The following ZNF681 variants were observed in gnomAD, a reference collection of about 807,000 sequenced individuals.
The protein encoded by ZNF681 is hypothetical protein FLJ31526.
Under a neutral mutation model 56.0 loss-of-function variants are expected in ZNF681, and 37 were observed. The observed-to-expected ratio is 0.66, with a 90% CI of 0.51 to 0.87. The LOEUF is 0.87. Ranked by LOEUF, ZNF681 falls within the 40% of genes least tolerant of loss-of-function variation. The pLI, the probability that ZNF681 is intolerant of heterozygous loss-of-function variation, is 0.00. For missense variants in ZNF681, 741 were observed against 744.9 expected (o/e 0.99, Z 0.06); for synonymous variants, 225 against 248.6 (o/e 0.91, Z 0.89).
rs780741748 is a variant in ZNF681, at chr19:23,743,669, A to C, written c.1881T>G (p.Phe627Leu). 5 of 1,571,378 alleles carry C rather than the reference A, an allele frequency of 3.2e-6. No homozygotes were observed. The highest frequency in any genetic ancestry group is 1.4e-5 in the African/African-American group (1 of 73,190). ...LYKPKRCNSD[F>L]ENTSKFSKHK... Reference sequence around the variant, plus strand: ...GTTTAGAAAACTTTGAAGTGTTTTCAAAATCACTGTTACATCTTTTAGGTT... The same window carrying C: ...GTTTAGAAAACTTTGAAGTGTTTTCCAAATCACTGTTACATCTTTTAGGTT... The change falls in exon 4 of 4, where the codon TTT becomes TTG. Residue 627 changes from phenylalanine to leucine, a missense_variant. By Grantham distance (22) the Phe-to-Leu change is conservative (BLOSUM62 0). Coordinates refer to ENST00000402377, the MANE Select transcript of ZNF681 (RefSeq NM_138286.3).
At position 23,745,472 on chromosome 19, in the gene ZNF681, A is replaced by C. The variant is rs533513762; in HGVS notation, c.227-149T>G. On this transcript the variant is annotated intron_variant, in intron 3 of 3. Coordinates refer to ENST00000402377, the MANE Select transcript of ZNF681 (RefSeq NM_138286.3). The stretch of plus-strand genomic sequence containing the variant: ...TAATTTTTTTTTTTTTTTTTTCCTG[A>C]GACGGAGTTTCAATCTGTCACTTGG... 1.1e-4 allele frequency: 62 copies of C among 546,648 alleles called. 1 individual carries two copies. In the South Asian group the frequency reaches 2.7e-3, roughly 24 times the overall value. The allele number at this position is 546,648 out of a possible 1,614,324, so 33.9% of individuals were successfully genotyped here.
rs1968885046 is a variant in ZNF681, at chr19:23,742,474, A to G, written c.*1138T>C. The G allele has an allele frequency of 6.6e-6, 1 of 152,000 alleles. No individual in the cohort carries two copies. Among genetic ancestry groups the G allele is most frequent in the South Asian group, 2.1e-4 (1 of 4,810 alleles). 9.4% of individuals were successfully genotyped at this position (152,000 alleles called of 1,614,324 possible). On this transcript the variant is annotated 3_prime_UTR_variant, in exon 4 of 4. Coordinates refer to ENST00000402377, the MANE Select transcript of ZNF681 (RefSeq NM_138286.3). ...CCATTGCACTCCAGCCTGGGCAACAAGAGCAAAACTCTGTCTCAAAAAAAA... is the reference window on the plus strand; with the variant it reads ...CCATTGCACTCCAGCCTGGGCAACAGGAGCAAAACTCTGTCTCAAAAAAAA...
rs770678034 is a variant in ZNF681, at chr19:23,745,009, T to C, written c.541A>G (p.Ile181Val). The change falls in exon 4 of 4, where the codon ATA (isoleucine) becomes GTA (valine). Residue 181 changes from isoleucine to valine, a missense_variant. Ile to Val is a conservative substitution (Grantham distance 29, BLOSUM62 3). Coordinates refer to ENST00000402377, the MANE Select transcript of ZNF681 (RefSeq NM_138286.3). ...TTATGTTGAGTTAGGTTTGAAAATA[T>C]GCAAAATGATTTGCCAAATTCTTTA... is the stretch of plus-strand genomic sequence containing the variant. ...KYKEFGKSFC[I>V]FSNLTQHKII... is the part of the protein sequence containing the mutation. 2 of 1,598,056 alleles carry C rather than the reference T, an allele frequency of 1.3e-6. No individual in the cohort carries two copies. The highest frequency in any genetic ancestry group is 1.7e-6 in the Non-Finnish European group (2 of 1,170,722).
intron 3 of ZNF681, among the ~76,000 whole-genome samples, chr19:23,747,737 T>C (rs1395553039): frequency 1.3e-5 from 2 of 151,394 alleles, no homozygotes; most frequent in Non-Finnish European, 2.9e-5. Context: ...CAAACATTCA[T>C]GAAAAAGAAC....
chr19:23,753,672 C>A (rs1969069604), intron 3 of ZNF681, among the ~76,000 whole-genome samples: 1 of 130,592 alleles, frequency 7.7e-6, no homozygotes, highest in Non-Finnish European at 1.7e-5. Flanking sequence ...ACCATCCTGG[C>A]CAACATGGTG....
At chr19:23,758,263 G>A (rs971834727) in intron 1 of ZNF681, among the ~76,000 whole-genome samples, 4 of 152,132 alleles carry the variant, frequency 2.6e-5, no homozygotes, top group African/African-American at 9.7e-5. Flanking sequence ...AATTTAGCCG[G>A]GCGTGGTGGC....
At chr19:23,748,567 A>C (rs1476504553) in intron 3 of ZNF681, among the ~76,000 whole-genome samples, 2 of 152,170 alleles carry the variant, frequency 1.3e-5, no homozygotes, top group Non-Finnish European at 2.9e-5. Context: ...GCCCTTATTC[A>C]CTAGAAGCAA....
rs1968851725 is a variant in ZNF681, at chr19:23,739,419, TG to T, written c.*4192del. ...AGTTCAAAAAAGCTTTTGTACTGCA[TG>T]GTGCCTATAGTTCATAACAATGTAT... On this transcript the variant is annotated 3_prime_UTR_variant, in exon 4 of 4. Coordinates refer to ENST00000402377, the MANE Select transcript of ZNF681 (RefSeq NM_138286.3). The T allele has an allele frequency of 6.6e-6, 1 of 152,210 alleles. No individual in the cohort carries two copies. The highest frequency in any genetic ancestry group is 1.5e-5 in the Non-Finnish European group (1 of 68,038). 9.4% of individuals were successfully genotyped at this position (152,210 alleles called of 1,614,324 possible).
At position 23,744,951 on chromosome 19, in the gene ZNF681, C is replaced by T. The variant is rs1174033365; in HGVS notation, c.599G>A (p.Cys200Tyr). The change falls in exon 4 of 4, where the codon TGT (cysteine) becomes TAT (tyrosine). Residue 200 changes from cysteine (C) to tyrosine (Y), a missense_variant. Cys to Tyr is a radical substitution (Grantham distance 194, BLOSUM62 -2). Transcript: ENST00000402377. ...IICTRVNFYK[C>Y]EDCGKAFNGS... Reference sequence around the variant, plus strand: ...ATTAAAGGCTTTTCCACAGTCTTCACATTTGTAGAAATTTACTCTAGTACA... The same window carrying T: ...ATTAAAGGCTTTTCCACAGTCTTCATATTTGTAGAAATTTACTCTAGTACA... 5 of 1,602,566 alleles carry T rather than the reference C, an allele frequency of 3.1e-6. No homozygotes were observed. Among genetic ancestry groups the T allele is most frequent in the East Asian group, 2.2e-5 (1 of 44,778 alleles).
Position 23,744,336 on chromosome 19 carries a change from T to C in ZNF681, c.1214A>G (p.Lys405Arg), listed in dbSNP as rs781760563. ...CTTATGTCTAGTAAGGTGTGAGGAC[T>C]TGTTAAAAGCTTTGCCACATTCTTC... ...KCEECGKAFN[K>R]SSHLTRHKSI... Residue 405 changes from lysine to arginine, a missense_variant, in exon 4 of 4, where the codon AAG (lysine) becomes AGG (arginine). By Grantham distance (26) the Lys-to-Arg change is conservative (BLOSUM62 2). Transcript: ENST00000402377. The C allele has an allele frequency of 1.2e-6, 2 of 1,613,640 alleles. No homozygotes were observed. Among genetic ancestry groups the C allele is most frequent in the South Asian group, 2.2e-5 (2 of 91,052 alleles).
chr19:23,745,024 C>T lies in ZNF681; in HGVS notation c.526G>A (p.Gly176Ser), dbSNP rs1208738624. The change falls in exon 4 of 4, where the codon GGC (glycine) becomes AGC (serine). Residue 176 changes from glycine to serine, a missense_variant. Gly to Ser is a moderately conservative substitution (Grantham distance 56). Coordinates refer to ENST00000402377, the MANE Select transcript of ZNF681 (RefSeq NM_138286.3). ...TTTGAAAATATGCAAAATGATTTGC[C>T]AAATTCTTTATATTTAAAAGGTTTT... The part of the protein sequence containing the change: ...RKKPFKYKEF[G>S]KSFCIFSNLT... 5.2e-5 allele frequency: 83 copies of T among 1,593,642 alleles called. No homozygotes were observed. The highest frequency in any genetic ancestry group is 6.9e-5 in the Non-Finnish European group (81 of 1,168,486).
rs1968862817 is a variant in ZNF681, at chr19:23,740,454, T to C, written c.*3158A>G. The stretch of plus-strand genomic sequence containing the variant: ...AAAACTGAGCTTTGCAGCCTGAAAA[T>C]AAATGTCCTCTCCACATAAAAAATC... On this transcript the variant is annotated 3_prime_UTR_variant, in exon 4 of 4. Coordinates refer to ENST00000402377, the MANE Select transcript of ZNF681 (RefSeq NM_138286.3). 6.6e-6 allele frequency: 1 copy of C among 152,100 alleles called. No homozygotes were observed. The highest frequency in any genetic ancestry group is 2.4e-5 in the African/African-American group (1 of 41,432). The allele number at this position is 152,100 out of a possible 1,614,324, so 9.4% of individuals were successfully genotyped here.
chr19:23,755,418 T>A lies in ZNF681; in HGVS notation c.130+7A>T, dbSNP rs761041110. ...TAATAGGAATTGTATATTGAAGTTA[T>A]CCTCACCCAAGAAGACCAGGTTTCT... On this transcript the variant is annotated splice_region_variant and intron_variant, in intron 2 of 3. Coordinates refer to ENST00000402377, the MANE Select transcript of ZNF681 (RefSeq NM_138286.3). The A allele has an allele frequency of 5.0e-6, 8 of 1,607,974 alleles. No individual in the cohort carries two copies. The highest frequency in any genetic ancestry group is 6.8e-6 in the Non-Finnish European group (8 of 1,177,556).
Position 23,743,682 on chromosome 19 carries a change from C to T in ZNF681, c.1868G>A (p.Cys623Tyr). 2.5e-6 allele frequency: 4 copies of T among 1,594,920 alleles called. No homozygotes were observed. The highest frequency in any genetic ancestry group is 3.4e-6 in the Non-Finnish European group (4 of 1,171,448). The change falls in exon 4 of 4, where the codon TGT (cysteine) becomes TAT (tyrosine). Residue 623 changes from cysteine (C) to tyrosine (Y), a missense_variant. Transcript: ENST00000402377. Reference protein sequence around the residue: ...TGEKLYKPKRCNSDFENTSKF... With the variant: ...TGEKLYKPKRYNSDFENTSKF... ...TGAAGTGTTTTCAAAATCACTGTTACATCTTTTAGGTTTGTAGAGTTTCTC... is the reference window on the plus strand; with the variant it reads ...TGAAGTGTTTTCAAAATCACTGTTATATCTTTTAGGTTTGTAGAGTTTCTC...
At chr19:23,755,626 A>G in intron 1 of ZNF681, 75 bp from the exon 2 acceptor site, 1 of 1,369,480 alleles carries the variant, frequency 7.3e-7, no homozygotes, top group Admixed American at 2.7e-5. Flanking sequence ...GGCCATGGAA[A>G]GAATTTATAA....
chr19:23,746,945 A>G (rs1253425648), intron 3 of ZNF681, among the ~76,000 whole-genome samples: 7 of 152,068 alleles, frequency 4.6e-5, no homozygotes, highest in African/African-American at 1.7e-4. Flanking sequence ...GCAACACAGT[A>G]AGACTCCATC....
At chr19:23,749,674 T>C (rs1157699300) in intron 3 of ZNF681, among the ~76,000 whole-genome samples, 2 of 152,024 alleles carry the variant, frequency 1.3e-5, no homozygotes, top group African/African-American at 4.8e-5. Context: ...TCTCAAACTT[T>C]TGGGATCAAG....
Position 23,739,894 on chromosome 19 carries a change from G to T in ZNF681, c.*3718C>A, listed in dbSNP as rs533369470. ...ATATGGAAAAGAAATATTACTCCAGGTTTCAAAATCACAGAGGTCATTTTA... is the reference window on the plus strand; with the variant it reads ...ATATGGAAAAGAAATATTACTCCAGTTTTCAAAATCACAGAGGTCATTTTA... On this transcript the variant is annotated 3_prime_UTR_variant, in exon 4 of 4. Transcript: ENST00000402377. 4 of 152,070 alleles carry T rather than the reference G, an allele frequency of 2.6e-5. No individual in the cohort carries two copies. Among genetic ancestry groups the T allele is most frequent in the Admixed American group, 1.3e-4 (2 of 15,264 alleles). The allele number at this position is 152,070 out of a possible 1,614,324, so 9.4% of individuals were successfully genotyped here. A position where few individuals can be genotyped will look rare whatever the true frequency, so the allele number is the denominator to read the frequency against.
chr19:23,749,144 T>C (rs1044618037), intron 3 of ZNF681, among the ~76,000 whole-genome samples: 19 of 152,104 alleles, frequency 1.2e-4, no homozygotes, highest in African/African-American at 3.9e-4. Flanking sequence ...ATAAATACAA[T>C]GGAATATTAT....
Sources: allele counts gnomAD v4.1 joint callset (sites outside exome capture counted in the v4.1 genomes callset), GRCh38; gene constraint gnomAD v4.1.1; transcripts MANE v1.5; gene names NCBI Gene and HGNC (gene_info 2026-07-23, HGNC 2026-07-21).